Variants in NF1 observed in about 807,000 individuals in gnomAD.
NF1 encodes neurofibromin.
Under a neutral mutation model 325.7 loss-of-function variants are expected in NF1, and 122 were observed. The ratio of observed to expected loss-of-function variants is 0.37; its 90% CI spans 0.32 to 0.44. The LOEUF is 0.44. Among genes scored for constraint, NF1 ranks in the 20% least tolerant of loss-of-function variants. NF1 has a pLI of 1.00. For synonymous variants in NF1, 1,091 were observed against 1,186.0 expected, an observed-to-expected ratio of 0.92 and a Z score of 1.65; for missense variants, 2,140 against 3,415.4, an observed-to-expected ratio of 0.63 and a Z score of 9.31.
intron 31 of NF1, chr17:31,254,286 A>T (rs1239473508): frequency 6.6e-6 from 1 of 151,056 alleles, no homozygotes; most frequent in Non-Finnish European, 1.5e-5. Flanking sequence ...AAAAAAAAAA[A>T]AAAAAAGAAA....
At chr17:31,135,543 A>G (rs1413454186) in intron 1 of NF1, among the ~76,000 whole-genome samples, 1 of 151,598 alleles carries the variant, frequency 6.6e-6, no homozygotes, top group Non-Finnish European at 1.5e-5. Context: ...CCTTTCTGCC[A>G]TTTTCTTTTT....
At chr17:31,244,895 C>T (rs570614896) in intron 29 of NF1, among the ~76,000 whole-genome samples, 9 of 152,278 alleles carry the variant, frequency 5.9e-5, no homozygotes, top group South Asian at 2.1e-4. Context: ...CATCTTGCTC[C>T]ACCTCCAGTT....
chr17:31,219,639 C>T (rs541730548), intron 14 of NF1, among the ~76,000 whole-genome samples: 2 of 136,858 alleles, frequency 1.5e-5, no homozygotes, highest in South Asian at 5.3e-4. Flanking sequence ...CCCCCTCCCC[C>T]CTAAGTAGTT....
intron 36 of NF1, among the ~76,000 whole-genome samples, chr17:31,311,936 G>A (rs1482611678): frequency 1.3e-5 from 2 of 152,046 alleles, no homozygotes; most frequent in Admixed American, 1.3e-4. Flanking sequence ...TTAGATAAAG[G>A]GTAGGAAAGA....
At chr17:31,211,718 A>C (rs1035517163) in intron 12 of NF1, among the ~76,000 whole-genome samples, 1 of 152,218 alleles carries the variant, frequency 6.6e-6, no homozygotes, top group African/African-American at 2.4e-5. Flanking sequence ...TCAAACAGAA[A>C]AGGTGCAGTA....
chr17:31,299,048 C>G (rs986498596), intron 36 of NF1, among the ~76,000 whole-genome samples: 1 of 151,962 alleles, frequency 6.6e-6, no homozygotes, highest in Admixed American at 6.6e-5. Context: ...TAGAAAATTC[C>G]AGTGCAATAG....
rs763417401 is a variant in NF1 at position 31,236,064 on chromosome 17, T to TG, written c.3974+43_3974+44insG. ...ATAGAACCGCTGTTTTTTGTTTTTT[T>TG]TTTTTTGTTTGTTTGTTTTACTAAC... On this transcript the variant is annotated intron_variant, in intron 29 of 57. Coordinates refer to ENST00000358273, the MANE Select transcript of NF1 (RefSeq NM_001042492.3). The TG allele has an allele frequency of 9.0e-5, 135 of 1,491,872 alleles. 5 individuals carry two copies. The South Asian group carries it at 1.5e-3, about 17-fold the overall frequency. 92.4% of individuals were successfully genotyped at this position (1,491,872 alleles called of 1,614,324 possible). A position where few individuals can be genotyped will look rare whatever the true frequency, so the allele number is the denominator to read the frequency against.
intron 50 of NF1, among the ~76,000 whole-genome samples, chr17:31,350,557 C>T (rs1289361802): frequency 6.6e-6 from 1 of 152,050 alleles, no homozygotes; most frequent in Non-Finnish European, 1.5e-5. Flanking sequence ...GAAGCACAGA[C>T]CAAATGAACA....
At position 31,337,867 on chromosome 17, in the gene NF1, G is replaced by A. The variant is rs1024484381; in HGVS notation, c.6691G>A (p.Glu2231Lys). ...PTCKWLDQWT[E>K]LAQRFAFQYN... is the part of the protein sequence containing the mutation. Reference sequence around the variant, plus strand: ...GTGCAAGTGGCTGGACCAGTGGACAGAACTAGCTCAAAGGTATGTCCTAAA... The same window carrying A: ...GTGCAAGTGGCTGGACCAGTGGACAAAACTAGCTCAAAGGTATGTCCTAAA... The change falls in exon 44 of 58, where the codon GAA becomes AAA. Residue 2231 changes from glutamate to lysine, a missense_variant. Glu to Lys is a moderately conservative substitution (Grantham distance 56). Around this residue, in one of 10 missense-constraint regions of NF1, gnomAD observed 522 missense variants for 749.0 expected, o/e 0.70. Transcript: ENST00000358273. 3.1e-6 allele frequency: 5 copies of A among 1,613,860 alleles called. No individual in the cohort carries two copies. Among genetic ancestry groups the A allele is most frequent in the African/African-American group, 1.3e-5 (1 of 75,018 alleles).
intron 8 of NF1, among the ~76,000 whole-genome samples, chr17:31,184,990 C>T (rs991268040): frequency 1.3e-5 from 2 of 152,160 alleles, no homozygotes; most frequent in African/African-American, 2.4e-5. Context: ...AGTTTGTAAA[C>T]TCTGATGAAC....
rs773624220 is a variant in NF1 at position 31,227,578 on chromosome 17, A to C, written c.2381A>C (p.Tyr794Ser). The C allele has an allele frequency of 2.5e-6, 4 of 1,613,846 alleles. No individual in the cohort carries two copies. In the South Asian group the frequency reaches 4.4e-5, roughly 18 times the overall value. Reference sequence around the variant, plus strand: ...CAAGCAACAAAGCTAATCCTTAACTATCCAAAAGCCAAAATGGAAGATGGC... The same window carrying C: ...CAAGCAACAAAGCTAATCCTTAACTCTCCAAAAGCCAAAATGGAAGATGGC... The part of the protein sequence containing the change: ...WEQATKLILN[Y>S]PKAKMEDGQA... The change falls in exon 20 of 58, where the codon TAT becomes TCT. Residue 794 changes from tyrosine to serine, a missense_variant. By Grantham distance (144) the Tyr-to-Ser change is moderately radical. Transcript: ENST00000358273.
At chr17:31,282,301 G>C (rs554539576) in intron 36 of NF1, among the ~76,000 whole-genome samples, 1 of 150,228 alleles carries the variant, frequency 6.7e-6, no homozygotes, top group East Asian at 2.0e-4. Context: ...AGAATGGCTT[G>C]AACCTGGGAG....
chr17:31,142,354 G>T (rs1387046889), intron 1 of NF1, among the ~76,000 whole-genome samples: 1 of 152,064 alleles, frequency 6.6e-6, no homozygotes, highest in African/African-American at 2.4e-5. Flanking sequence ...GTATCTAACT[G>T]AAAAGAAGAG....
In NF1 at chr17:31,278,407, G is replaced by GTT. The variant is rs376109355; in HGVS notation, c.4835+13089_4835+13090dup. Reference sequence around the variant, plus strand: ...TCTTTGGTCTTTTTGGATTTTTTGGGTTTTTTTTTTTTTTTTTTTTTTGAA... The same window carrying GTT: ...TCTTTGGTCTTTTTGGATTTTTTGGGTTTTTTTTTTTTTTTTTTTTTTTTGAA... On this transcript the variant is annotated intron_variant, in intron 36 of 57. Coordinates refer to ENST00000358273, the MANE Select transcript of NF1 (RefSeq NM_001042492.3). Among the ~76,000 whole-genome samples the GTT allele has an allele frequency of 6.8e-4, 74 of 109,544 alleles. 2 individuals carry two copies. Among genetic ancestry groups the GTT allele is most frequent in the African/African-American group, 1.8e-3 (42 of 22,928 alleles). The allele number at this position is 109,544 out of a possible 152,430, so 71.9% of individuals were successfully genotyped here.
intron 5 of NF1, among the ~76,000 whole-genome samples, chr17:31,175,170 G>A (rs188863549): frequency 7.4e-5 from 11 of 148,444 alleles, no homozygotes; most frequent in Admixed American, 6.7e-4. Context: ...GGGATACTAT[G>A]GAAAAGAACA....
chr17:31,301,770 CA>C (rs1290682313), intron 36 of NF1, among the ~76,000 whole-genome samples: 1 of 152,180 alleles, frequency 6.6e-6, no homozygotes, highest in Non-Finnish European at 1.5e-5. Flanking sequence ...AGTTAACAAA[CA>C]AAAGGAGTTG....
At position 31,330,817 on chromosome 17, in the gene NF1, C is replaced by G. The variant is rs576473334; in HGVS notation, c.5812+319C>G. On this transcript the variant is annotated intron_variant, in intron 39 of 57. Coordinates refer to ENST00000358273, the MANE Select transcript of NF1 (RefSeq NM_001042492.3). Reference sequence around the variant, plus strand: ...TTAGCTTCAGCATTTCTCTTCATAGCAGAAAAGTCCACATAAGTATCCATG... The same window carrying G: ...TTAGCTTCAGCATTTCTCTTCATAGGAGAAAAGTCCACATAAGTATCCATG... 10 of 257,422 alleles carry G rather than the reference C, an allele frequency of 3.9e-5. No homozygotes were observed. In the East Asian group the frequency reaches 8.7e-4, roughly 22 times the overall value. The allele number at this position is 257,422 out of a possible 1,614,324, so 15.9% of individuals were successfully genotyped here. A position where few individuals can be genotyped will look rare whatever the true frequency, so the allele number is the denominator to read the frequency against.
At position 31,182,521 on chromosome 17, in the gene NF1, G is replaced by A. The variant is rs1597659771; in HGVS notation, c.744G>A (p.Lys248=). The A allele has an allele frequency of 6.2e-7, 1 of 1,614,034 alleles. No individual in the cohort carries two copies. Among genetic ancestry groups the A allele is most frequent in the Non-Finnish European group, 8.5e-7 (1 of 1,179,930 alleles). ...PQTDMAECAE[K]LFDLVDGFAE... Reference sequence around the variant, plus strand: ...TTTTTCATGCAGAATGTGCAGAAAAGCTATTTGACTTGGTGGATGGTTTTG... The same window carrying A: ...TTTTTCATGCAGAATGTGCAGAAAAACTATTTGACTTGGTGGATGGTTTTG... Residue 248 remains lysine, a synonymous_variant, in exon 8 of 58, where the codon AAG becomes AAA. Coordinates refer to ENST00000358273, the MANE Select transcript of NF1 (RefSeq NM_001042492.3).
rs1266324665 is a variant in NF1 at position 31,367,397 on chromosome 17, T to C, written c.8378-6616T>C. 3.0e-5 allele frequency: 15 copies of C among 502,634 alleles called. No individual in the cohort carries two copies. The East Asian group carries it at 1.2e-3, about 40-fold the overall frequency. The allele number at this position is 502,634 out of a possible 1,614,324, so 31.1% of individuals were successfully genotyped here. Reference sequence around the variant, plus strand: ...TAAGCTCAGTCTGCCTTAGGCACTTTAGGAACTTGTAAAGCCACCACTTTA... The same window carrying C: ...TAAGCTCAGTCTGCCTTAGGCACTTCAGGAACTTGTAAAGCCACCACTTTA... On this transcript the variant is annotated intron_variant, in intron 57 of 57. Transcript: ENST00000358273.
Sources: gnomAD v4.1 joint callset for allele counts (sites outside exome capture counted in the v4.1 genomes callset) on GRCh38, gnomAD v4.1.1 for gene constraint, gnomAD v4.1.1 regional missense constraint, MANE v1.5 for transcripts, NCBI Gene and HGNC (gene_info 2026-07-23, HGNC 2026-07-21) for gene names.